The following MACROD1 variants were observed in gnomAD, a reference collection of about 807,000 sequenced individuals.
The protein encoded by MACROD1 is ADP-ribose glycohydrolase MACROD1.
In MACROD1, 31 loss-of-function variants were observed where a neutral mutation model predicts 41.4. That is an observed-to-expected ratio of 0.75 (90% CI 0.56 to 1.01). The LOEUF (loss-of-function observed/expected upper bound fraction) is 1.01. Ranked by LOEUF, MACROD1 falls within the 50% of genes least tolerant of loss-of-function variation. The probability of loss-of-function intolerance (pLI) is 0.00; values close to 1 mark genes in which losing one functional copy is unlikely to be tolerated. For missense variants in MACROD1, 473 were observed against 460.0 expected, an observed-to-expected ratio of 1.03 and a Z score of -0.26; for synonymous variants, 252 against 203.4, an observed-to-expected ratio of 1.24 and a Z score of -2.03.
At chr11:64,035,064 C>T (rs1281254344) in intron 3 of MACROD1, among the ~76,000 whole-genome samples, 1 of 152,200 alleles carries the variant, frequency 6.6e-6, no homozygotes. Flanking sequence ...CCCTCCCATT[C>T]AAGGTCTTCT....
chr11:64,084,838 G>C (rs76542726), intron 3 of MACROD1, among the ~76,000 whole-genome samples: 1 of 152,184 alleles, frequency 6.6e-6, no homozygotes, highest in Non-Finnish European at 1.5e-5. Flanking sequence ...GTAATGCCCC[G>C]GCCCGGGAGG....
chr11:64,045,096 G>A (rs1436465382), intron 3 of MACROD1, among the ~76,000 whole-genome samples: 9 of 152,234 alleles, frequency 5.9e-5, no homozygotes, highest in South Asian at 2.1e-4. Context: ...GAGCAGTCCG[G>A]GTGCATGTGG....
intron 3 of MACROD1, among the ~76,000 whole-genome samples, chr11:64,145,588 CCCTGA>C (rs1309164425): frequency 2.0e-5 from 3 of 152,150 alleles, no homozygotes; most frequent in Non-Finnish European, 4.4e-5. Context: ...GGTGCTGGGA[CCCTGA>C]CCTGCTCCTG....
At chr11:64,151,479 A>C (rs1945577328) in intron 2 of MACROD1, 124 bp from the exon 3 acceptor site, 1 of 685,154 alleles carries the variant, frequency 1.5e-6, no homozygotes, top group Admixed American at 2.3e-5. Context: ...AGCCTGCAGC[A>C]CGATGACTGC....
chr11:64,042,610 C>G (rs1565206257), intron 3 of MACROD1, among the ~76,000 whole-genome samples: 1 of 152,100 alleles, frequency 6.6e-6, no homozygotes, highest in East Asian at 1.9e-4. Flanking sequence ...CTGTGGGGGT[C>G]TTGGAAGCCC....
intron 3 of MACROD1, among the ~76,000 whole-genome samples, chr11:64,113,229 A>G (rs1944892546): frequency 6.6e-6 from 1 of 152,238 alleles, no homozygotes. Context: ...AATGACTTAA[A>G]TATTAGGAAA....
chr11:64,111,961 T>G (rs1944870677), intron 3 of MACROD1, among the ~76,000 whole-genome samples: 1 of 152,164 alleles, frequency 6.6e-6, no homozygotes, highest in South Asian at 2.1e-4. Context: ...GGCCAGGGAC[T>G]CACAGCCCTC....
intron 3 of MACROD1, among the ~76,000 whole-genome samples, chr11:64,022,335 A>G (rs939056959): frequency 3.3e-5 from 5 of 152,004 alleles, no homozygotes; most frequent in African/African-American, 1.2e-4. Context: ...GTGCTCCCAC[A>G]AAGTGTGTCC....
chr11:64,108,751 G>A (rs1005332768), intron 3 of MACROD1, among the ~76,000 whole-genome samples: 1 of 152,224 alleles, frequency 6.6e-6, no homozygotes, highest in Non-Finnish European at 1.5e-5. Flanking sequence ...CAAGGTTTAG[G>A]GGAGACACAT....
intron 10 of MACROD1, 68 bp downstream of exon 10, chr11:63,998,770 G>T (rs888640895): frequency 7.0e-7 from 1 of 1,436,418 alleles, no homozygotes; most frequent in Non-Finnish European, 9.1e-7. Flanking sequence ...CTGCTTGGGG[G>T]TGAGCGGGGG....
chr11:64,125,756 T>A (rs1382614392), intron 3 of MACROD1, among the ~76,000 whole-genome samples: 2 of 152,128 alleles, frequency 1.3e-5, no homozygotes, highest in Non-Finnish European at 2.9e-5. Context: ...AAGACTTGCC[T>A]TGAGTGGATG....
rs143760696 is a variant in MACROD1, at chr11:64,159,686, C to T, written c.298+6011G>A. On this transcript the variant is annotated intron_variant, in intron 1 of 10. Coordinates refer to ENST00000255681, the MANE Select transcript of MACROD1 (RefSeq NM_014067.4). Reference sequence around the variant, plus strand: ...GCGCATGCCTGTAATCCCAGCTACGCGGGAGGCTGAGGCAGGATAATTGCC... The same window carrying T: ...GCGCATGCCTGTAATCCCAGCTACGTGGGAGGCTGAGGCAGGATAATTGCC... 2.1e-3 allele frequency among the ~76,000 whole-genome samples: 326 copies of T among 151,748 alleles called. 3 individuals are homozygous for T. Among genetic ancestry groups the T allele is most frequent in the African/African-American group, 7.4e-3 (308 of 41,348 alleles).
Position 64,096,413 on chromosome 11 carries a change from C to T in MACROD1, c.517+54826G>A, listed in dbSNP as rs556153615. 6.6e-6 allele frequency among the ~76,000 whole-genome samples: 1 copy of T among 151,918 alleles called. No homozygotes were observed. The highest frequency in any genetic ancestry group is 1.9e-4 in the East Asian group (1 of 5,166). ...CTGGCAGGCAAGTGGTCGTTCCTGT[C>T]CCCTCTTTTTTTTTTTTGAGACTGA... On this transcript the variant is annotated intron_variant, in intron 3 of 10. Transcript: ENST00000255681. The surrounding 1 kb of genome is among the most constrained non-coding windows in gnomAD (Gnocchi z 4.6).
chr11:64,001,577 A>G lies in MACROD1; in HGVS notation c.548-1234T>C. 4 of 702,048 alleles carry G rather than the reference A, an allele frequency of 5.7e-6. No homozygotes were observed. In the South Asian group the frequency reaches 5.9e-5, roughly 10 times the overall value. The allele number at this position is 702,048 out of a possible 1,614,324, so 43.5% of individuals were successfully genotyped here. A position where few individuals can be genotyped will look rare whatever the true frequency, so the allele number is the denominator to read the frequency against. On this transcript the variant is annotated intron_variant, in intron 4 of 10. Transcript: ENST00000255681. ...TCTCGTGCCCTGGGGGCACAATTAAACCTCATTCTGCAACTTTACTCAGAG... is the reference window on the plus strand; with the variant it reads ...TCTCGTGCCCTGGGGGCACAATTAAGCCTCATTCTGCAACTTTACTCAGAG...
At chr11:64,056,807 G>A (rs1943794436) in intron 3 of MACROD1, among the ~76,000 whole-genome samples, 1 of 152,132 alleles carries the variant, frequency 6.6e-6, no homozygotes, top group African/African-American at 2.4e-5. Flanking sequence ...GTTCTGGCTG[G>A]TGCAAGGCCT....
intron 1 of MACROD1, among the ~76,000 whole-genome samples, chr11:64,164,025 G>A (rs143514036): frequency 4.6e-5 from 7 of 152,294 alleles, no homozygotes; most frequent in African/African-American, 1.2e-4. Context: ...CCCAGCTCAG[G>A]TGGCCCCATC....
intron 3 of MACROD1, among the ~76,000 whole-genome samples, chr11:64,042,565 G>A (rs1008481924): frequency 3.3e-5 from 5 of 152,112 alleles, no homozygotes; most frequent in African/African-American, 1.2e-4. Flanking sequence ...CCACCCCCTT[G>A]GCTAGCCAAT....
chr11:64,116,397 T>G (rs1426818825), intron 3 of MACROD1: 1 of 1,613,984 alleles, frequency 6.2e-7, no homozygotes, highest in Non-Finnish European at 8.5e-7. Context: ...GCTCATCGCC[T>G]TCCTGACGGA....
In MACROD1 at chr11:64,067,262, G is replaced by A. The variant is rs975566976; in HGVS notation, c.518-51981C>T. On this transcript the variant is annotated intron_variant, in intron 3 of 10. Coordinates refer to ENST00000255681, the MANE Select transcript of MACROD1 (RefSeq NM_014067.4). The surrounding 1 kb of genome is among the most constrained non-coding windows in gnomAD (Gnocchi z 4.6). Reference sequence around the variant, plus strand: ...GCACCCACTCCCACCTGTGCGGCACGAGAGGGAGGGAAGGAGCATCATTAA... The same window carrying A: ...GCACCCACTCCCACCTGTGCGGCACAAGAGGGAGGGAAGGAGCATCATTAA... 1.3e-5 allele frequency among the ~76,000 whole-genome samples: 2 copies of A among 152,120 alleles called. No individual in the cohort carries two copies. Among genetic ancestry groups the A allele is most frequent in the Non-Finnish European group, 2.9e-5 (2 of 68,012 alleles).
Sources: allele counts gnomAD v4.1 joint callset (sites outside exome capture counted in the v4.1 genomes callset), GRCh38; gene constraint gnomAD v4.1.1; non-coding constraint Gnocchi (gnomAD v3.1); transcripts MANE v1.5; gene names NCBI Gene and HGNC (gene_info 2026-07-23, HGNC 2026-07-21).